SELENOO: variants seen among roughly 807,000 people sequenced by gnomAD.
The protein encoded by SELENOO is protein adenylyltransferase SelO, mitochondrial.
In SELENOO, 74 loss-of-function variants were observed where a neutral mutation model predicts 58.7. That is an observed-to-expected ratio of 1.26 (90% CI 1.04 to 1.53). The LOEUF (loss-of-function observed/expected upper bound fraction) is 1.53, where lower values mean the gene tolerates loss of function less well. Ranked by LOEUF, SELENOO falls within the 40% of genes most tolerant of loss-of-function variation. The pLI, the probability that SELENOO is intolerant of heterozygous loss-of-function variation, is 0.00. For synonymous variants in SELENOO, 543 were observed against 453.2 expected, an observed-to-expected ratio of 1.20 and a Z score of -2.52; for missense variants, 1,149 against 970.0, an observed-to-expected ratio of 1.18 and a Z score of -2.45.
intron 6 of SELENOO, 27 bp from the exon 7 acceptor site, chr22:50,216,664 C>G (rs986342114): frequency 6.4e-7 from 1 of 1,554,436 alleles, no homozygotes; most frequent in African/African-American, 1.4e-5. Flanking sequence ...CAGGGGCTAC[C>G]TCCCAGACAC....
At chr22:50,215,645 G>C in intron 5 of SELENOO, 72 bp from the exon 6 acceptor site, 1 of 1,227,008 alleles carries the variant, frequency 8.1e-7, no homozygotes, top group Non-Finnish European at 1.1e-6. Flanking sequence ...TGGGGGGGGG[G>C]GGGTCTGTGT....
intron 5 of SELENOO, among the ~76,000 whole-genome samples, chr22:50,213,202 T>C (rs1388639170): frequency 1.3e-5 from 2 of 152,002 alleles, no homozygotes; most frequent in Admixed American, 6.6e-5. Context: ...CTGGGACTAC[T>C]GGCATGCTCC....
intron 1 of SELENOO, among the ~76,000 whole-genome samples, chr22:50,204,684 C>T (rs2064321842): frequency 6.6e-6 from 1 of 151,894 alleles, no homozygotes; most frequent in Non-Finnish European, 1.5e-5. Flanking sequence ...AACCCTTCTG[C>T]ACTGTTGGTG....
At position 50,215,882 on chromosome 22, in the gene SELENOO, C is replaced by T. The variant is rs1177217087; in HGVS notation, c.1502+15C>T. 2 of 1,577,590 alleles carry T rather than the reference C, an allele frequency of 1.3e-6. No homozygotes were observed. The highest frequency in any genetic ancestry group is 1.1e-5 in the South Asian group (1 of 89,522). On this transcript the variant is annotated intron_variant, in intron 6 of 8. Coordinates refer to ENST00000380903, the MANE Select transcript of SELENOO (RefSeq NM_031454.2). ...ATGGATCCCCGGTGGGTACTCAGTT[C>T]CTACTTCTTTGGATTTGTTTCCAGA...
chr22:50,216,814 G>A lies in SELENOO; in HGVS notation c.1626G>A (p.Leu542=), dbSNP rs1569105722. ...RVEQQSRLEQ[L]SAAELQSRNQ... ...AGCAGCAGTCTCGGCTGGAGCAGCT[G>A]AGTGCGGCAGAGCTGCAGAGCAGGA... The change falls in exon 7 of 9, where the codon CTG becomes CTA. Residue 542 remains leucine (L), a synonymous_variant. Coordinates refer to ENST00000380903, the MANE Select transcript of SELENOO (RefSeq NM_031454.2). 3 of 1,608,568 alleles carry A rather than the reference G, an allele frequency of 1.9e-6. No homozygotes were observed. Among genetic ancestry groups the A allele is most frequent in the Non-Finnish European group, 2.5e-6 (3 of 1,179,840 alleles).
intron 5 of SELENOO, among the ~76,000 whole-genome samples, chr22:50,211,388 G>A (rs1008642984): frequency 3.7e-4 from 56 of 152,148 alleles, no homozygotes; most frequent in African/African-American, 1.2e-3. Context: ...TTGCTGGGTC[G>A]TGTGGGTGAC....
intron 2 of SELENOO, among the ~76,000 whole-genome samples, chr22:50,207,650 A>G (rs2147160259): frequency 1.3e-5 from 2 of 150,578 alleles, no homozygotes; most frequent in South Asian, 4.3e-4. Flanking sequence ...CAATGCTGGC[A>G]TTGTTGTGAA....
At chr22:50,212,542 A>G (rs1489830121) in intron 5 of SELENOO, among the ~76,000 whole-genome samples, 1 of 152,212 alleles carries the variant, frequency 6.6e-6, no homozygotes, top group East Asian at 1.9e-4. Flanking sequence ...GCAGTGCTGT[A>G]CAGCCGAGCC....
chr22:50,208,739 C>T, intron 3 of SELENOO, 23 bp downstream of exon 3: 2 of 1,600,398 alleles, frequency 1.2e-6, no homozygotes, highest in African/African-American at 1.3e-5. Flanking sequence ...CACGCCACCC[C>T]TCCCTGCGGG....
rs151171493 is a variant in SELENOO at position 50,208,609 on chromosome 22, G to A, written c.832G>A (p.Asp278Asn). The A allele has an allele frequency of 2.3e-3, 3,728 of 1,613,892 alleles. 41 individuals are homozygous for A. The highest frequency in any genetic ancestry group is 0.016 in the South Asian group (1,416 of 91,062). Residue 278 changes from aspartate to asparagine, a missense_variant, in exon 3 of 9, where the codon GAC (aspartate) becomes AAC (asparagine). Coordinates refer to ENST00000380903, the MANE Select transcript of SELENOO (RefSeq NM_031454.2). ...TGCAGGCCCCAGCGTGGGGAGGAAC[G>A]ACATTCGAGTGCAGCTGCTCGACTA... ...GRAGPSVGRN[D>N]IRVQLLDYVI...
intron 1 of SELENOO, among the ~76,000 whole-genome samples, chr22:50,202,616 A>G (rs556662246): frequency 6.6e-6 from 1 of 150,980 alleles, no homozygotes; most frequent in East Asian, 2.0e-4. Flanking sequence ...CTTAAACTTT[A>G]TGTTTTCATT....
In SELENOO at chr22:50,217,610, C is replaced by G. The variant is rs915728440; in HGVS notation, c.*241C>G. 2 of 1,051,910 alleles carry G rather than the reference C, an allele frequency of 1.9e-6. No individual in the cohort carries two copies. Among genetic ancestry groups the G allele is most frequent in the Non-Finnish European group, 2.7e-6 (2 of 733,088 alleles). The allele number at this position is 1,051,910 out of a possible 1,614,324, so 65.2% of individuals were successfully genotyped here. On this transcript the variant is annotated 3_prime_UTR_variant, in exon 9 of 9. Transcript: ENST00000380903. ...CAGGCTCCTAAATAAACCAGCAACT[C>G]CCTCGAGTCTGTCTCTGTGGTCATT...
chr22:50,207,757 T>C (rs1355652693), intron 2 of SELENOO, among the ~76,000 whole-genome samples: 1 of 136,134 alleles, frequency 7.3e-6, no homozygotes, highest in Non-Finnish European at 1.6e-5. Flanking sequence ...AGACCTTGCC[T>C]GATGTCCCCT....
chr22:50,206,244 T>C, intron 1 of SELENOO, 73 bp from the exon 2 acceptor site: 3 of 1,363,260 alleles, frequency 2.2e-6, no homozygotes, highest in Non-Finnish European at 3.1e-6. Flanking sequence ...CTCCTTTCCA[T>C]GTGCTGCCCG....
chr22:50,210,406 C>T (rs773724425), intron 4 of SELENOO, 95 bp downstream of exon 4: 108 of 1,496,798 alleles, frequency 7.2e-5, no homozygotes, highest in Non-Finnish European at 9.0e-5. Flanking sequence ...GCCCGTGATG[C>T]TTGAGGGGGA....
intron 1 of SELENOO, among the ~76,000 whole-genome samples, chr22:50,203,793 G>A (rs1036610271): frequency 4.6e-5 from 7 of 152,176 alleles, no homozygotes; most frequent in African/African-American, 9.7e-5. Context: ...ATTTGGCAGC[G>A]TTCTTGGCTG....
intron 1 of SELENOO, chr22:50,206,003 C>A (rs369149398): frequency 2.2e-4 from 93 of 423,206 alleles, no homozygotes; most frequent in African/African-American, 1.6e-3. Flanking sequence ...GGCCCTTTGT[C>A]CCCACTGTGC....
At chr22:50,202,122 C>T (rs1380739732) in intron 1 of SELENOO, among the ~76,000 whole-genome samples, 1 of 152,248 alleles carries the variant, frequency 6.6e-6, no homozygotes, top group South Asian at 2.1e-4. Context: ...CGCCACCTGC[C>T]TCCTGTGTAT....
chr22:50,205,914 C>A (rs1395860621), intron 1 of SELENOO: 2 of 216,080 alleles, frequency 9.3e-6, no homozygotes, highest in East Asian at 2.8e-4. Context: ...CACAGAGGAG[C>A]TCATTCCTCA....
Sources: gnomAD v4.1 joint callset for allele counts (sites outside exome capture counted in the v4.1 genomes callset) on GRCh38, gnomAD v4.1.1 for gene constraint, MANE v1.5 for transcripts, NCBI Gene and HGNC (gene_info 2026-07-23, HGNC 2026-07-21) for gene names.